TFRC: variants seen among roughly 807,000 people sequenced by gnomAD.
The protein encoded by TFRC is transferrin receptor, also known as transferrin receptor protein 1.
A neutral mutation model predicts 85.8 loss-of-function variants in TFRC; 35 were observed. That is an observed-to-expected ratio of 0.41 (90% CI 0.31 to 0.54). The LOEUF is 0.54. Among genes scored for constraint, TFRC ranks in the 20% least tolerant of loss-of-function variants. The probability of loss-of-function intolerance (pLI) is 0.31; values close to 1 mark genes in which losing one functional copy is unlikely to be tolerated. For missense variants in TFRC, 828 were observed against 921.5 expected (o/e 0.90, Z 1.31); for synonymous variants, 362 against 328.6 (o/e 1.10, Z -1.10).
Position 196,055,065 on chromosome 3 carries a change from G to A in TFRC, c.1899+15C>T. On this transcript the variant is annotated intron_variant, in intron 17 of 18. Transcript: ENST00000360110. ...CATTCAGCAAAATAAAAACGTAATT[G>A]GAATCAGTGCTCACCTTTATGTCTG... 6.2e-7 allele frequency: 1 copy of A among 1,610,016 alleles called. No individual in the cohort carries two copies. Among genetic ancestry groups the A allele is most frequent in the Middle Eastern group, 1.8e-4 (1 of 5,594 alleles).
intron 17 of TFRC, 99 bp downstream of exon 17, chr3:196,054,981 G>T: frequency 8.4e-7 from 1 of 1,188,846 alleles, no homozygotes; most frequent in Non-Finnish European, 1.2e-6. Flanking sequence ...ATGTACTATG[G>T]CTACAATCAC....
rs891531948 is a variant in TFRC at position 196,072,016 on chromosome 3, G to C, written c.571C>G (p.Gln191Glu). 4.3e-6 allele frequency: 7 copies of C among 1,613,306 alleles called. No homozygotes were observed. The highest frequency in any genetic ancestry group is 5.9e-6 in the Non-Finnish European group (7 of 1,179,776). The change falls in exon 5 of 19, where the codon CAG (glutamine) becomes GAG (glutamate). Residue 191 changes from glutamine (Q) to glutamate (E), a missense_variant. Gln to Glu is a conservative substitution (Grantham distance 29). Coordinates refer to ENST00000360110, the MANE Select transcript of TFRC (RefSeq NM_001128148.3). ...CTTTCAACATACCTGTCTTTGACCTGAATCTTAACAAAATGTTGATCACGC... is the reference window on the plus strand; with the variant it reads ...CTTTCAACATACCTGTCTTTGACCTCAATCTTAACAAAATGTTGATCACGC... Reference protein sequence around the residue: ...VWRDQHFVKIQVKDSAQNSVI... With the variant: ...VWRDQHFVKIEVKDSAQNSVI...
chr3:196,078,111 C>G (rs1718861668), intron 1 of TFRC, among the ~76,000 whole-genome samples: 1 of 152,128 alleles, frequency 6.6e-6, no homozygotes, highest in Non-Finnish European at 1.5e-5. Context: ...AAATACATCT[C>G]TGTAATCAAA....
Position 196,063,188 on chromosome 3 carries a change from A to G in TFRC, c.1319-249T>C, listed in dbSNP as rs1212971762. ...AAAGAGCAAGATAGGAGATCTGCAA[A>G]TAAGATTTTGAGTACATAGCAGGGG... On this transcript the variant is annotated intron_variant, in intron 11 of 18. Coordinates refer to ENST00000360110, the MANE Select transcript of TFRC (RefSeq NM_001128148.3). The G allele has an allele frequency of 1.5e-5, 6 of 391,064 alleles. No individual in the cohort carries two copies. The East Asian group carries it at 2.0e-4, about 13-fold the overall frequency. 24.2% of individuals were successfully genotyped at this position (391,064 alleles called of 1,614,324 possible).
chr3:196,065,425 G>GGGA lies in TFRC; in HGVS notation c.1198+17_1198+18insTCC. 1.4e-6 allele frequency: 1 copy of GGGA among 702,258 alleles called. No individual in the cohort carries two copies. The highest frequency in any genetic ancestry group is 1.9e-6 in the Non-Finnish European group (1 of 519,062). The allele number at this position is 702,258 out of a possible 1,614,324, so 43.5% of individuals were successfully genotyped here. On this transcript the variant is annotated intron_variant, in intron 10 of 18. Coordinates refer to ENST00000360110, the MANE Select transcript of TFRC (RefSeq NM_001128148.3). ...ACAAAAAAAAAGCGGGGCGGGGGGGGGGGGGGGCGGTCTTTACCTGGTTCT... is the reference window on the plus strand; with the variant it reads ...ACAAAAAAAAAGCGGGGCGGGGGGGGGGAGGGGGGGCGGTCTTTACCTGGTTCT...
chr3:196,075,476 G>A (rs1718608008), intron 2 of TFRC, 116 bp from the exon 3 acceptor site: 3 of 992,956 alleles, frequency 3.0e-6, no homozygotes, highest in South Asian at 1.5e-5. Context: ...ATTCCTTAGG[G>A]TGTTCTCCTT....
intron 2 of TFRC, among the ~76,000 whole-genome samples, chr3:196,075,842 T>C (rs1024643482): frequency 2.6e-5 from 4 of 151,662 alleles, no homozygotes; most frequent in South Asian, 2.1e-4. Flanking sequence ...AAAGAGAGAA[T>C]AGACCAGACA....
chr3:196,067,168 C>T (rs71321876), intron 9 of TFRC, among the ~76,000 whole-genome samples: 5,361 of 152,284 alleles, frequency 0.035, 124 homozygotes, highest in South Asian at 0.099. Context: ...AGGATTTTAT[C>T]CCAATATGAA....
At chr3:196,074,741 T>C (rs1375922963) in intron 3 of TFRC, among the ~76,000 whole-genome samples, 1 of 151,756 alleles carries the variant, frequency 6.6e-6, no homozygotes, top group East Asian at 1.9e-4. Flanking sequence ...TAGCCAGGTG[T>C]GGTGGTGCAC....
chr3:196,052,041 T>C lies in TFRC; in HGVS notation c.2184A>G (p.Glu728=), dbSNP rs1186556418. The change falls in exon 19 of 19, where the codon GAA becomes GAG. Residue 728 remains glutamate (E), a synonymous_variant. Transcript: ENST00000360110. The part of the protein sequence containing the change: ...LRKQNNGAFN[E]TLFRNQLALA... The stretch of plus-strand genomic sequence containing the variant: ...GAGCCAACTGGTTTCTGAACAGCGT[T>C]TCATTAAAAGCACCGTTATTTTGTT... The C allele has an allele frequency of 3.1e-6, 5 of 1,614,072 alleles. No homozygotes were observed. Among genetic ancestry groups the C allele is most frequent in the Non-Finnish European group, 4.2e-6 (5 of 1,180,036 alleles).
intron 12 of TFRC, 79 bp downstream of exon 12, chr3:196,062,775 C>T: frequency 6.4e-7 from 1 of 1,573,866 alleles, no homozygotes; most frequent in Non-Finnish European, 8.7e-7. Flanking sequence ...TAAAATCAAA[C>T]CTATAAAAAC....
At position 196,068,122 on chromosome 3, in the gene TFRC, A is replaced by G. The variant is rs35181492; in HGVS notation, c.810T>C (p.Asn270=). 7.8e-4 allele frequency: 1,262 copies of G among 1,610,880 alleles called. 10 individuals are homozygous for G. The African/African-American group carries it at 0.015, about 20-fold the overall frequency. Reference sequence around the variant, plus strand: ...CACCAATTGCATTTAAGCTTTCAGCATTTGCAACCTAAAAGAAAACATATA... The same window carrying G: ...CACCAATTGCATTTAAGCTTTCAGCGTTTGCAACCTAAAAGAAAACATATA... ...GKITFAEKVA[N]AESLNAIGVL... is the part of the protein sequence containing the mutation. Residue 270 remains asparagine (N), a synonymous_variant, in exon 8 of 19, where the codon AAT becomes AAC. Transcript: ENST00000360110.
chr3:196,069,384 A>G (rs1718002415), intron 7 of TFRC, 71 bp downstream of exon 7: 1 of 861,286 alleles, frequency 1.2e-6, no homozygotes, highest in Non-Finnish European at 1.8e-6. Context: ...AATATTAACA[A>G]GAAATATCAC....
chr3:196,081,918 C>T (rs528723726), intron 1 of TFRC, 125 bp downstream of exon 1: 2 of 152,540 alleles, frequency 1.3e-5, no homozygotes, highest in South Asian at 2.1e-4. Context: ...GGGCCGCGAC[C>T]GCTTTCCCGC....
At chr3:196,072,525 G>A (rs995412074) in intron 4 of TFRC, among the ~76,000 whole-genome samples, 2 of 152,132 alleles carry the variant, frequency 1.3e-5, no homozygotes, top group African/African-American at 4.8e-5. Flanking sequence ...TGAAGCATCT[G>A]AATACCCTGA....
intron 14 of TFRC, among the ~76,000 whole-genome samples, chr3:196,059,247 G>A (rs1717073567): frequency 6.6e-6 from 1 of 152,162 alleles, no homozygotes; most frequent in South Asian, 2.1e-4. Flanking sequence ...CCAGGAGGTG[G>A]AGGCTGCAGT....
At position 196,067,640 on chromosome 3, in the gene TFRC, A is replaced by G. The variant is rs1338497741; in HGVS notation, c.918T>C (p.Gly306=). Residue 306 remains glycine, a synonymous_variant, in exon 9 of 19, where the codon GGT becomes GGC. Transcript: ENST00000360110. ...AAGGGAATCCAGGTGTGTAAGGGTC[A>G]CCTGTCCCCAGATGAGCCTAGGAAA... The part of the protein sequence containing the change: ...SFFGHAHLGT[G]DPYTPGFPSF... 6.2e-7 allele frequency: 1 copy of G among 1,613,654 alleles called. No homozygotes were observed. Among genetic ancestry groups the G allele is most frequent in the Non-Finnish European group, 8.5e-7 (1 of 1,179,904 alleles).
rs763556153 is a variant in TFRC, at chr3:196,075,183, C to A, written c.214G>T (p.Ala72Ser). 73 of 1,613,902 alleles carry A rather than the reference C, an allele frequency of 4.5e-5. No individual in the cohort carries two copies. The highest frequency in any genetic ancestry group is 5.4e-5 in the Non-Finnish European group (64 of 1,180,014). The change falls in exon 3 of 19, where the codon GCT (alanine) becomes TCT (serine). Residue 72 changes from alanine to serine, a missense_variant. Physicochemically the swap from Ala to Ser is moderately conservative, Grantham distance 99. Transcript: ENST00000360110. The stretch of plus-strand genomic sequence containing the variant: ...CCAATCAAGAAAAAGACGATCACAG[C>A]AATAGTCCCATAGCAGATACTTCCA... ...CSGSICYGTI[A>S]VIVFFLIGFM...
chr3:196,069,669 C>A, intron 6 of TFRC, 101 bp from the exon 7 acceptor site: 3 of 658,902 alleles, frequency 4.6e-6, no homozygotes, highest in African/African-American at 1.9e-5. Flanking sequence ...GACAGGCAAC[C>A]CAAGTAAGAG....
Sources: gnomAD v4.1 joint callset for allele counts (sites outside exome capture counted in the v4.1 genomes callset) on GRCh38, gnomAD v4.1.1 for gene constraint, MANE v1.5 for transcripts, NCBI Gene and HGNC (gene_info 2026-07-23, HGNC 2026-07-21) for gene names.